The following SHANK1 variants were observed in gnomAD, a reference collection of about 807,000 sequenced individuals.
SHANK1 encodes SH3 and multiple ankyrin repeat domains protein 1.
SHANK1 carries 35 observed loss-of-function variants against 165.6 expected under a neutral mutation model. The observed-to-expected ratio is 0.21, with a 90% CI of 0.16 to 0.28. The LOEUF is 0.28. SHANK1 is among the 10% of genes least tolerant of loss of function. The probability of loss-of-function intolerance (pLI) is 1.00; values close to 1 mark genes in which losing one functional copy is unlikely to be tolerated. For synonymous variants in SHANK1, 1,428 were observed against 1,384.8 expected (o/e 1.03, Z -0.69); for missense variants, 2,681 against 3,036.4 (o/e 0.88, Z 2.75).
At chr19:50,695,272 G>A (rs1287409086) in intron 15 of SHANK1, among the ~76,000 whole-genome samples, 2 of 146,460 alleles carry the variant, frequency 1.4e-5, no homozygotes, top group African/African-American at 5.0e-5. Context: ...GGCGCGGGGC[G>A]CGGGGTCGGG....
Position 50,717,019 on chromosome 19 carries a change from A to C in SHANK1, c.-43-57T>G. 1 of 1,335,038 alleles carries C rather than the reference A, an allele frequency of 7.5e-7. No homozygotes were observed. Among genetic ancestry groups the C allele is most frequent in the Non-Finnish European group, 9.7e-7 (1 of 1,035,680 alleles). 82.7% of individuals were successfully genotyped at this position (1,335,038 alleles called of 1,614,324 possible). On this transcript the variant is annotated intron_variant, in intron 1 of 23. Coordinates refer to ENST00000293441, the MANE Select transcript of SHANK1 (RefSeq NM_016148.5). The surrounding 1 kb of genome is among the most constrained non-coding windows in gnomAD (Gnocchi z 5.5). ...GAGCCCGGGACCCCTCAGAGGCCGC[A>C]GGCGCTATTCGGTGGTCAAGCGGTC...
intron 21 of SHANK1, 42 bp from the exon 22 acceptor site, chr19:50,672,156 A>C (rs1175906266): frequency 6.7e-7 from 1 of 1,490,292 alleles, no homozygotes; most frequent in Non-Finnish European, 9.3e-7. Flanking sequence ...GAAAAGATAG[A>C]GAGAGATCAG....
chr19:50,685,230 G>C (rs1374154795), intron 21 of SHANK1, among the ~76,000 whole-genome samples: 1 of 152,206 alleles, frequency 6.6e-6, no homozygotes. Flanking sequence ...CAGCCCAGTG[G>C]AGTAGGGGCA....
intron 10 of SHANK1, 21 bp from the exon 11 acceptor site, chr19:50,703,851 C>G (rs771733423): frequency 8.5e-7 from 1 of 1,180,910 alleles, no homozygotes; most frequent in South Asian, 1.8e-5. Flanking sequence ...ACAGTGGCGG[C>G]GGGGGGCAGA....
chr19:50,680,656 C>CTT (rs1464849498), intron 21 of SHANK1, among the ~76,000 whole-genome samples: 8 of 103,640 alleles, frequency 7.7e-5, no homozygotes, highest in East Asian at 2.5e-4. Context: ...ATAGTGGCAT[C>CTT]TTTTTTTTTT....
intron 12 of SHANK1, among the ~76,000 whole-genome samples, chr19:50,699,362 C>A (rs1986833538): frequency 6.6e-6 from 1 of 152,210 alleles, no homozygotes; most frequent in Non-Finnish European, 1.5e-5. Flanking sequence ...AGAGGCATAA[C>A]TATACAAGTG....
Position 50,716,996 on chromosome 19 carries a change from G to A in SHANK1, c.-43-34C>T. 1 of 1,375,916 alleles carries A rather than the reference G, an allele frequency of 7.3e-7. No homozygotes were observed. Among genetic ancestry groups the A allele is most frequent in the Non-Finnish European group, 9.4e-7 (1 of 1,067,740 alleles). The allele number at this position is 1,375,916 out of a possible 1,614,324, so 85.2% of individuals were successfully genotyped here. On this transcript the variant is annotated intron_variant, in intron 1 of 23. Coordinates refer to ENST00000293441, the MANE Select transcript of SHANK1 (RefSeq NM_016148.5). This position sits in a 1 kb window ranked among gnomAD's most constrained non-coding sequence, Gnocchi z 8.4. ...GCCAAGGGCGGCCATCAGACTAGGA[G>A]CCCGGGACCCCTCAGAGGCCGCAGG...
chr19:50,680,188 G>A (rs1221518487), intron 21 of SHANK1, among the ~76,000 whole-genome samples: 1 of 151,962 alleles, frequency 6.6e-6, no homozygotes. Flanking sequence ...GGCGAAGAGC[G>A]ACAGACAGAG....
At position 50,662,546 on chromosome 19, in the gene SHANK1, T is replaced by C. The variant is rs1599835165; in HGVS notation, c.5905A>G (p.Thr1969Ala). ...GAGGAGGAGGAGGCTGAGGGTGAGG[T>C]GGCCCCTGGGGCCGCAGCGGCTGTA... ...SPTAAAAPGA[T>A]SPSASSSSTS... is the part of the protein sequence containing the mutation. The change falls in exon 24 of 24, where the codon ACC (threonine) becomes GCC (alanine). Residue 1969 changes from threonine to alanine, a missense_variant. Transcript: ENST00000293441. This position sits in a 1 kb window ranked among gnomAD's most constrained non-coding sequence, Gnocchi z 7.7. 2 of 1,560,774 alleles carry C rather than the reference T, an allele frequency of 1.3e-6. No homozygotes were observed. Among genetic ancestry groups the C allele is most frequent in the Non-Finnish European group, 1.7e-6 (2 of 1,152,274 alleles).
chr19:50,694,051 A>G (rs943644008), intron 15 of SHANK1, among the ~76,000 whole-genome samples: 29 of 149,748 alleles, frequency 1.9e-4, no homozygotes, highest in Non-Finnish European at 3.7e-4. Context: ...ACACACACAC[A>G]CACACACACA....
Position 50,667,836 on chromosome 19 carries a change from T to C in SHANK1, c.4124A>G (p.Gln1375Arg), listed in dbSNP as rs1297689156. The change falls in exon 23 of 24, where the codon CAG (glutamine) becomes CGG (arginine). Residue 1375 changes from glutamine (Q) to arginine (R), a missense_variant. By Grantham distance (43) the Gln-to-Arg change is conservative (BLOSUM62 1). This residue lies in a region of SHANK1 where 1,713 missense variants were observed against 1,630.2 expected (regional missense o/e 1.05). Coordinates refer to ENST00000293441, the MANE Select transcript of SHANK1 (RefSeq NM_016148.5). This position sits in a 1 kb window ranked among gnomAD's most constrained non-coding sequence, Gnocchi z 5.7. ...KESSEGGGAPQPPPRPPSPRY... is the reference protein window; with the variant it reads ...KESSEGGGAPRPPPRPPSPRY... ...GGGCGATGGGGGCCTGGGAGGCGGC[T>C]GGGGGGCCCCGCCGCCCTCCGAGGA... is the stretch of plus-strand genomic sequence containing the variant. 73 of 1,292,690 alleles carry C rather than the reference T, an allele frequency of 5.6e-5. No individual in the cohort carries two copies. Among genetic ancestry groups the C allele is most frequent in the Non-Finnish European group, 6.1e-5 (62 of 1,024,452 alleles). 80.1% of individuals were successfully genotyped at this position (1,292,690 alleles called of 1,614,324 possible).
At chr19:50,698,575 T>C (rs1350046383) in intron 12 of SHANK1, among the ~76,000 whole-genome samples, 1 of 138,316 alleles carries the variant, frequency 7.2e-6, no homozygotes. Context: ...GCCTGTTACA[T>C]GCCTGCTGCT....
intron 23 of SHANK1, among the ~76,000 whole-genome samples, chr19:50,663,659 C>T (rs1985359596): frequency 6.6e-6 from 1 of 151,690 alleles, no homozygotes; most frequent in African/African-American, 2.4e-5. Context: ...CAGAAGGGCA[C>T]TCTGCACACA....
chr19:50,676,716 C>T (rs1985996226), intron 21 of SHANK1, among the ~76,000 whole-genome samples: 1 of 152,154 alleles, frequency 6.6e-6, no homozygotes, highest in Non-Finnish European at 1.5e-5. Flanking sequence ...GCATGCAGCC[C>T]ACCCCAATAC....
intron 8 of SHANK1, among the ~76,000 whole-genome samples, chr19:50,709,607 T>C (rs2123192718): frequency 6.6e-6 from 1 of 152,190 alleles, no homozygotes; most frequent in Admixed American, 6.5e-5. Flanking sequence ...TGGAGTGCAG[T>C]GGCATGATCA....
At chr19:50,708,295 A>T (rs2088969286) in intron 8 of SHANK1, among the ~76,000 whole-genome samples, 1 of 152,132 alleles carries the variant, frequency 6.6e-6, no homozygotes, top group Non-Finnish European at 1.5e-5. Context: ...ACAGGGCCAG[A>T]GCACAGCCCC....
At chr19:50,698,110 G>A (rs903013456) in intron 12 of SHANK1, among the ~76,000 whole-genome samples, 154 bp from the exon 13 acceptor site, 1 of 152,218 alleles carries the variant, frequency 6.6e-6, no homozygotes, top group Non-Finnish European at 1.5e-5. Flanking sequence ...GAGCTTGGGG[G>A]AGACCCATAT....
chr19:50,671,947 G>T (rs1375879968), intron 22 of SHANK1, 71 bp downstream of exon 22: 2 of 1,143,542 alleles, frequency 1.7e-6, no homozygotes, highest in Non-Finnish European at 1.3e-6. Flanking sequence ...TTCCAAGTCT[G>T]CTTGCTTTTC....
chr19:50,697,679 C>G lies in SHANK1; in HGVS notation c.1862-15G>C, dbSNP rs1986785307. The stretch of plus-strand genomic sequence containing the variant: ...ACTGCGGCTTTCTGCAGGGTGACAA[C>G]AGACAACCTTGGACTCTTGTTTTGG... On this transcript the variant is annotated splice_polypyrimidine_tract_variant and intron_variant, in intron 13 of 23. Coordinates refer to ENST00000293441, the MANE Select transcript of SHANK1 (RefSeq NM_016148.5). The surrounding 1 kb of genome is among the most constrained non-coding windows in gnomAD (Gnocchi z 4.7). The G allele has an allele frequency of 1.2e-6, 2 of 1,613,008 alleles. No homozygotes were observed. Among genetic ancestry groups the G allele is most frequent in the South Asian group, 1.1e-5 (1 of 91,050 alleles).
Sources: gnomAD v4.1 joint callset for allele counts (sites outside exome capture counted in the v4.1 genomes callset) on GRCh38, gnomAD v4.1.1 for gene constraint, gnomAD v4.1.1 regional missense constraint, Gnocchi (gnomAD v3.1) non-coding constraint, MANE v1.5 for transcripts, NCBI Gene and HGNC (gene_info 2026-07-23, HGNC 2026-07-21) for gene names.